The following TMBIM6 variants were observed in gnomAD, a reference collection of about 807,000 sequenced individuals.
TMBIM6 encodes bax inhibitor 1.
Under a neutral mutation model 31.4 loss-of-function variants are expected in TMBIM6, and 13 were observed. That is an observed-to-expected ratio of 0.41 (90% CI 0.27 to 0.66). The LOEUF is 0.66. Ranked by LOEUF, TMBIM6 falls within the 30% of genes least tolerant of loss-of-function variation. TMBIM6 has a pLI of 0.28. For missense variants in TMBIM6, 275 were observed against 289.5 expected (o/e 0.95, Z 0.36); for synonymous variants, 85 against 101.7 (o/e 0.84, Z 0.99).
At chr12:49,760,038 G>A (rs111432591) in intron 8 of TMBIM6, among the ~76,000 whole-genome samples, 3,124 of 150,758 alleles carry the variant, frequency 0.021, 41 homozygotes, top group Non-Finnish European at 0.031. Flanking sequence ...TGTGAACCGG[G>A]GAGGCGGAGC....
At chr12:49,741,763 A>T (rs1203330317) in intron 1 of TMBIM6, 152 bp downstream of exon 1, 2 of 236,360 alleles carry the variant, frequency 8.5e-6, no homozygotes, top group Admixed American at 1.0e-4. Context: ...GACTCGGGAA[A>T]ACAGGGTGTG....
chr12:49,753,131 A>G (rs781136369), intron 3 of TMBIM6, 50 bp downstream of exon 3: 10 of 1,526,368 alleles, frequency 6.6e-6, no homozygotes, highest in Non-Finnish European at 8.1e-6. Flanking sequence ...TACATTAGGA[A>G]AAAACCAGCT....
In TMBIM6 at chr12:49,761,576, T is replaced by C. The variant is rs182735610; in HGVS notation, c.615-128T>C. 7.5e-4 allele frequency: 539 copies of C among 723,014 alleles called. 8 individuals are homozygous for C. Among genetic ancestry groups the C allele is most frequent in the Middle Eastern group, 5.2e-3 (15 of 2,908 alleles). The allele number at this position is 723,014 out of a possible 1,614,324, so 44.8% of individuals were successfully genotyped here. A position where few individuals can be genotyped will look rare whatever the true frequency, so the allele number is the denominator to read the frequency against. On this transcript the variant is annotated intron_variant, in intron 8 of 9. Transcript: ENST00000267115. ...CTCAGACACCAGAGTTTTACTTCCT[T>C]AGTTGGGGGTAAAGTGTGGGAGAAG... is the stretch of plus-strand genomic sequence containing the variant.
intron 1 of TMBIM6, chr12:49,750,511 C>G (rs1480786986): frequency 6.6e-6 from 1 of 152,188 alleles, no homozygotes; most frequent in East Asian, 1.9e-4. Flanking sequence ...TAAGTGTGCT[C>G]TCTAGAGGAC....
In TMBIM6 at chr12:49,762,873, G is replaced by C; in HGVS notation, c.691G>C (p.Asp231His). ...TTGGGTGATTTTTCTCCATTTCTAG[G>C]ATAAGAAGAAAGAGAAGAAATGAAG... ...LMMILAMNEKDKKKEKK is the reference protein window; with the variant it reads ...LMMILAMNEKHKKKEKK Residue 231 changes from aspartate (D) to histidine (H), a missense_variant and splice_region_variant, in exon 10 of 10, where the codon GAT becomes CAT. By Grantham distance (81) the Asp-to-His change is moderately conservative. Coordinates refer to ENST00000267115, the MANE Select transcript of TMBIM6 (RefSeq NM_003217.3). The C allele has an allele frequency of 6.2e-7, 1 of 1,612,560 alleles. No individual in the cohort carries two copies. Among genetic ancestry groups the C allele is most frequent in the African/African-American group, 1.3e-5 (1 of 74,962 alleles).
intron 3 of TMBIM6, among the ~76,000 whole-genome samples, chr12:49,754,151 G>C (rs925860322): frequency 2.0e-5 from 3 of 152,020 alleles, no homozygotes; most frequent in African/African-American, 7.3e-5. Flanking sequence ...CTTTTAATTG[G>C]TGATTTTGCT....
chr12:49,741,860 G>A (rs947547239), intron 1 of TMBIM6: 5 of 458,450 alleles, frequency 1.1e-5, no homozygotes, highest in Admixed American at 4.1e-5. Flanking sequence ...GGTTTTGGGG[G>A]GTGTCGAGGC....
Position 49,757,131 on chromosome 12 carries a change from T to A in TMBIM6, c.287-1096T>A, listed in dbSNP as rs549709655. Among the ~76,000 whole-genome samples the A allele has an allele frequency of 5.3e-5, 8 of 152,310 alleles. No individual in the cohort carries two copies. The East Asian group carries it at 1.5e-3, about 29-fold the overall frequency. Reference sequence around the variant, plus strand: ...ATCTACCTGCCTCAGCCTCCCAAAGTGCTGGGATTACAGACGTGAGCCACT... The same window carrying A: ...ATCTACCTGCCTCAGCCTCCCAAAGAGCTGGGATTACAGACGTGAGCCACT... On this transcript the variant is annotated intron_variant, in intron 4 of 9. Coordinates refer to ENST00000267115, the MANE Select transcript of TMBIM6 (RefSeq NM_003217.3).
chr12:49,750,412 T>C (rs1050870329), intron 1 of TMBIM6, among the ~76,000 whole-genome samples: 10 of 152,340 alleles, frequency 6.6e-5, no homozygotes, highest in African/African-American at 2.4e-4. Context: ...TTCAGTATTA[T>C]TGTAAGTGCT....
chr12:49,748,190 C>T (rs1945431469), intron 1 of TMBIM6, among the ~76,000 whole-genome samples: 6 of 152,168 alleles, frequency 3.9e-5, no homozygotes. Context: ...GCGTGAGCCA[C>T]CGCACCCAGC....
In TMBIM6 at chr12:49,753,086, G is replaced by A; in HGVS notation, c.165+5G>A. ...ATGGTCACTCATTTCATTCAGGTAA[G>A]AACGATTTTCTCTCCTGGTTGCTGT... On this transcript the variant is annotated splice_donor_5th_base_variant and intron_variant, in intron 3 of 9. Coordinates refer to ENST00000267115, the MANE Select transcript of TMBIM6 (RefSeq NM_003217.3). 6.2e-7 allele frequency: 1 copy of A among 1,611,240 alleles called. No individual in the cohort carries two copies. Among genetic ancestry groups the A allele is most frequent in the Non-Finnish European group, 8.5e-7 (1 of 1,178,768 alleles).
intron 6 of TMBIM6, 40 bp from the exon 7 acceptor site, chr12:49,758,643 C>T: frequency 3.7e-6 from 6 of 1,608,296 alleles, no homozygotes; most frequent in South Asian, 2.2e-5. Flanking sequence ...TTTACTTTGC[C>T]TTGGCTTCTC....
At chr12:49,758,183 A>G in intron 4 of TMBIM6, 44 bp from the exon 5 acceptor site, 1 of 1,612,016 alleles carries the variant, frequency 6.2e-7, no homozygotes, top group Non-Finnish European at 8.5e-7. Context: ...GATCCTATTC[A>G]AGAATTGATC....
chr12:49,758,774 C>G lies in TMBIM6; in HGVS notation c.513+12C>G. Reference sequence around the variant, plus strand: ...TTTGGCTTTTCCAGGTAAGACTTAGCCTGGAACTTTCCAGCAGCCATTTGC... The same window carrying G: ...TTTGGCTTTTCCAGGTAAGACTTAGGCTGGAACTTTCCAGCAGCCATTTGC... On this transcript the variant is annotated intron_variant, in intron 7 of 9. Transcript: ENST00000267115. 3.7e-6 allele frequency: 6 copies of G among 1,610,700 alleles called. No individual in the cohort carries two copies. Among genetic ancestry groups the G allele is most frequent in the Non-Finnish European group, 5.1e-6 (6 of 1,178,420 alleles).
At position 49,764,065 on chromosome 12, in the gene TMBIM6, T is replaced by TA. The variant is rs1225144627; in HGVS notation, c.*1170dup. 1 of 152,218 alleles carries TA rather than the reference T, an allele frequency of 6.6e-6. No individual in the cohort carries two copies. The highest frequency in any genetic ancestry group is 1.5e-5 in the Non-Finnish European group (1 of 68,028). 9.4% of individuals were successfully genotyped at this position (152,218 alleles called of 1,614,324 possible). On this transcript the variant is annotated 3_prime_UTR_variant, in exon 10 of 10. Coordinates refer to ENST00000267115, the MANE Select transcript of TMBIM6 (RefSeq NM_003217.3). ...TGATGCACTTTAGTTTTTGGTCTGTTACCTGTTTTCCAGAAATTTGTGGCC... is the reference window on the plus strand; with the variant it reads ...TGATGCACTTTAGTTTTTGGTCTGTTAACCTGTTTTCCAGAAATTTGTGGCC...
intron 8 of TMBIM6, among the ~76,000 whole-genome samples, chr12:49,760,582 G>A (rs1160645018): frequency 7.2e-6 from 1 of 139,302 alleles, no homozygotes; most frequent in Non-Finnish European, 1.5e-5. Context: ...TGTCACCCAG[G>A]CTGGAGTGCG....
chr12:49,756,861 C>T (rs756904442), intron 4 of TMBIM6, among the ~76,000 whole-genome samples: 19 of 152,034 alleles, frequency 1.2e-4, no homozygotes, highest in East Asian at 7.7e-4. Context: ...CTCAGCCTCC[C>T]GAATAGCTGG....
chr12:49,755,590 G>C, intron 3 of TMBIM6, 45 bp from the exon 4 acceptor site: 1 of 1,600,708 alleles, frequency 6.2e-7, no homozygotes, highest in South Asian at 1.1e-5. Flanking sequence ...AAATAAATTT[G>C]AAACTTTCAA....
At chr12:49,754,997 C>T (rs895975345) in intron 3 of TMBIM6, among the ~76,000 whole-genome samples, 1 of 152,100 alleles carries the variant, frequency 6.6e-6, no homozygotes, top group Non-Finnish European at 1.5e-5. Flanking sequence ...ACTCTTGTTG[C>T]CCAGGCTGAA....
Sources: gnomAD v4.1 joint callset for allele counts (sites outside exome capture counted in the v4.1 genomes callset) on GRCh38, gnomAD v4.1.1 for gene constraint, MANE v1.5 for transcripts, NCBI Gene and HGNC (gene_info 2026-07-23, HGNC 2026-07-21) for gene names.